DENND4A: variants seen among roughly 807,000 people sequenced by gnomAD.
DENND4A encodes C-myc promoter-binding protein.
In DENND4A, 70 loss-of-function variants were observed where a neutral mutation model predicts 199.3. The observed-to-expected ratio is 0.35, with a 90% CI of 0.29 to 0.43. The LOEUF is 0.43. Among genes scored for constraint, DENND4A ranks in the 20% least tolerant of loss-of-function variants. The pLI, the probability that DENND4A is intolerant of heterozygous loss-of-function variation, is 1.00. For synonymous variants in DENND4A, 686 were observed against 766.9 expected (o/e 0.89, Z 1.74); for missense variants, 1,723 against 2,255.8 (o/e 0.76, Z 4.78).
intron 24 of DENND4A, among the ~76,000 whole-genome samples, chr15:65,675,886 A>G (rs1320343207): frequency 1.3e-5 from 2 of 152,132 alleles, no homozygotes; most frequent in South Asian, 2.1e-4. Context: ...AATATAACAT[A>G]TATGCATTAT....
chr15:65,719,564 A>C (rs997623869), intron 12 of DENND4A, among the ~76,000 whole-genome samples: 1 of 151,030 alleles, frequency 6.6e-6, no homozygotes, highest in Non-Finnish European at 1.5e-5. Flanking sequence ...TGAGAGAGAC[A>C]CAGCATCACT....
chr15:65,761,908 T>C (rs9673122), intron 1 of DENND4A, among the ~76,000 whole-genome samples: 5,907 of 152,272 alleles, frequency 0.039, 394 homozygotes, highest in African/African-American at 0.14. Context: ...CCAAAAGTAC[T>C]TTCCCTTTAT....
chr15:65,730,028 T>C lies in DENND4A; in HGVS notation c.1167-350A>G, dbSNP rs559719475. Among the ~76,000 whole-genome samples, 38 of 152,298 alleles carry C rather than the reference T, an allele frequency of 2.5e-4. 2 individuals carry two copies. The Middle Eastern group carries it at 0.027, about 109-fold the overall frequency. ...GCAATTTATAAAAGGGATGCTTTGA[T>C]TGAAAGCAAATCCTTAAATGGAAGT... On this transcript the variant is annotated intron_variant, in intron 9 of 32. Coordinates refer to ENST00000443035, the MANE Select transcript of DENND4A (RefSeq NM_001320835.1).
chr15:65,706,876 G>T (rs1392737276), intron 14 of DENND4A, among the ~76,000 whole-genome samples: 3 of 152,136 alleles, frequency 2.0e-5, no homozygotes, highest in Non-Finnish European at 4.4e-5. Context: ...GAAAGGAATA[G>T]GGTAGACAAG....
intron 11 of DENND4A, among the ~76,000 whole-genome samples, chr15:65,728,165 G>A (rs1269228029): frequency 1.3e-5 from 2 of 151,836 alleles, no homozygotes; most frequent in Non-Finnish European, 2.9e-5. Context: ...ACCACGTCCA[G>A]CTAATTTTTG....
rs1049402909 is a variant in DENND4A, at chr15:65,762,495, G to A, written c.-101-1057C>T. Among the ~76,000 whole-genome samples, 11 of 151,986 alleles carry A rather than the reference G, an allele frequency of 7.2e-5. 1 individual carries two copies. Among genetic ancestry groups the A allele is most frequent in the African/African-American group, 2.7e-4 (11 of 41,382 alleles). ...GAAGAAAGTTAGTGCCAGGCAGGGT[G>A]GCACGTGCCTGTAGTCTCAGCTACT... On this transcript the variant is annotated intron_variant, in intron 1 of 32. Coordinates refer to ENST00000443035, the MANE Select transcript of DENND4A (RefSeq NM_001320835.1).
At chr15:65,721,960 T>C (rs1360722948) in intron 12 of DENND4A, among the ~76,000 whole-genome samples, 1 of 152,210 alleles carries the variant, frequency 6.6e-6, no homozygotes, top group African/African-American at 2.4e-5. Flanking sequence ...AAATATTCCA[T>C]ATCCTAATCA....
At chr15:65,662,427 C>A (rs2075877387) in intron 32 of DENND4A, among the ~76,000 whole-genome samples, 1 of 152,132 alleles carries the variant, frequency 6.6e-6, no homozygotes, top group African/African-American at 2.4e-5. Flanking sequence ...ATATTATGGG[C>A]TACCTCTGGG....
intron 14 of DENND4A, among the ~76,000 whole-genome samples, 161 bp from the exon 15 acceptor site, chr15:65,706,385 GA>G (rs990081977): frequency 6.6e-6 from 1 of 150,818 alleles, no homozygotes; most frequent in African/African-American, 2.4e-5. Context: ...ATAATTAAGT[GA>G]AAATAGCAAA....
intron 12 of DENND4A, among the ~76,000 whole-genome samples, chr15:65,720,006 A>G (rs1293114815): frequency 2.0e-5 from 3 of 152,234 alleles, no homozygotes; most frequent in Non-Finnish European, 2.9e-5. Flanking sequence ...GATGGCAGAG[A>G]ATCTGAGGAA....
chr15:65,777,560 C>G (rs1274317418), intron 1 of DENND4A, among the ~76,000 whole-genome samples: 1 of 152,054 alleles, frequency 6.6e-6, no homozygotes. Flanking sequence ...GTCATGTTAG[C>G]CAGGCTGGCC....
intron 1 of DENND4A, among the ~76,000 whole-genome samples, chr15:65,776,977 G>A (rs1426124018): frequency 6.6e-6 from 1 of 152,088 alleles, no homozygotes; most frequent in African/African-American, 2.4e-5. Flanking sequence ...AGGCCAGCCT[G>A]GACAACACGG....
chr15:65,736,584 G>A (rs1375629496), intron 7 of DENND4A, among the ~76,000 whole-genome samples: 1 of 151,972 alleles, frequency 6.6e-6, no homozygotes, highest in African/African-American at 2.4e-5. Flanking sequence ...AGATTTTAAT[G>A]TAACTGACAA....
chr15:65,751,522 C>T (rs1453926750), intron 4 of DENND4A, among the ~76,000 whole-genome samples: 1 of 152,012 alleles, frequency 6.6e-6, no homozygotes, highest in Non-Finnish European at 1.5e-5. Context: ...ATTAGATCAC[C>T]AAAGGAGTAT....
chr15:65,667,922 T>C lies in DENND4A; in HGVS notation c.4986+3A>G. ...AAATAAAAAAATACACCAAAATACA[T>C]ACTGTAGCTCCTTGTAAAGTAGCTG... is the stretch of plus-strand genomic sequence containing the variant. On this transcript the variant is annotated splice_donor_region_variant and intron_variant, in intron 28 of 32. Transcript: ENST00000443035. 6.3e-7 allele frequency: 1 copy of C among 1,594,782 alleles called. No homozygotes were observed. The highest frequency in any genetic ancestry group is 1.1e-5 in the South Asian group (1 of 87,034).
intron 1 of DENND4A, among the ~76,000 whole-genome samples, chr15:65,764,606 G>A (rs1222580576): frequency 6.6e-6 from 1 of 151,932 alleles, no homozygotes; most frequent in Non-Finnish European, 1.5e-5. Context: ...ACTCCAACCT[G>A]GGCAATACAG....
chr15:65,685,016 G>A (rs1393811520), intron 23 of DENND4A, among the ~76,000 whole-genome samples: 1 of 151,670 alleles, frequency 6.6e-6, no homozygotes. Flanking sequence ...AGTAGAAACG[G>A]GGGTTTCACC....
At chr15:65,692,381 T>G (rs934278460) in intron 22 of DENND4A, among the ~76,000 whole-genome samples, 1 of 152,214 alleles carries the variant, frequency 6.6e-6, no homozygotes, top group African/African-American at 2.4e-5. Flanking sequence ...AGCAGAAATC[T>G]AGATCTCTGA....
intron 1 of DENND4A, chr15:65,766,351 C>T (rs772967154): frequency 6.6e-6 from 1 of 151,990 alleles, no homozygotes; most frequent in Non-Finnish European, 1.5e-5. Context: ...ACTCAGGCAT[C>T]CAGAACATTA....
Sources: gnomAD v4.1 joint callset for allele counts (sites outside exome capture counted in the v4.1 genomes callset) on GRCh38, gnomAD v4.1.1 for gene constraint, MANE v1.5 for transcripts, NCBI Gene and HGNC (gene_info 2026-07-23, HGNC 2026-07-21) for gene names.